GPC1: variants seen among roughly 807,000 people sequenced by gnomAD.
GPC1 encodes the protein glypican 1.
A neutral mutation model predicts 51.5 loss-of-function variants in GPC1; 26 were observed. The observed-to-expected ratio is 0.50, with a 90% CI of 0.37 to 0.70. The LOEUF (loss-of-function observed/expected upper bound fraction) is 0.70. Ranked by LOEUF, GPC1 falls within the 30% of genes least tolerant of loss-of-function variation. The pLI is 0.00. For synonymous variants in GPC1, 380 were observed against 348.3 expected (o/e 1.09, Z -1.01); for missense variants, 775 against 800.5 (o/e 0.97, Z 0.38).
chr2:240,464,343 G>A (rs192456506), intron 4 of GPC1: 9 of 464,374 alleles, frequency 1.9e-5, no homozygotes, highest in African/African-American at 3.9e-5. Flanking sequence ...TACGAGACAC[G>A]GCAGGCCAGC....
rs545315698 is a variant in GPC1, at chr2:240,466,235, T to C, written c.1622T>C (p.Leu541Pro). The C allele has an allele frequency of 3.7e-5, 59 of 1,611,962 alleles. 1 individual carries two copies. The East Asian group carries it at 8.3e-4, about 23-fold the overall frequency. ...AGCTGCCCCCAGCCCCCGACCTTCC[T>C]CCTGCCCCTCCTCCTCTTCCTGGCC... ...AASCPQPPTF[L>P]LPLLLFLALT... The change falls in exon 9 of 9, where the codon CTC (leucine) becomes CCC (proline). Residue 541 changes from leucine to proline, a missense_variant. Leu to Pro is a moderately conservative substitution (Grantham distance 98). Transcript: ENST00000264039.
chr2:240,463,773 C>T, intron 4 of GPC1: 1 of 534,236 alleles, frequency 1.9e-6, no homozygotes. Flanking sequence ...CCCCACTTAG[C>T]AAGCACCTCG....
intron 1 of GPC1, chr2:240,457,363 C>G: frequency 2.2e-6 from 1 of 448,076 alleles, no homozygotes; most frequent in Admixed American, 2.4e-5. Flanking sequence ...AGCCCGGATT[C>G]GGGTTCTCTG....
At position 240,465,500 on chromosome 2, in the gene GPC1, C is replaced by T. The variant is rs748173320; in HGVS notation, c.1296C>T (p.Gly432=). Residue 432 remains glycine (G), a synonymous_variant, in exon 8 of 9, where the codon GGC becomes GGT. Coordinates refer to ENST00000264039, the MANE Select transcript of GPC1 (RefSeq NM_002081.3). The part of the protein sequence containing the change: ...GRYLPEVMGD[G]LANQINNPEV... ...ACCTCCCCGAGGTCATGGGTGACGG[C>T]CTGGCCAACCAGATCAACAACCCCG... 4 of 1,612,994 alleles carry T rather than the reference C, an allele frequency of 2.5e-6. No individual in the cohort carries two copies. The South Asian group carries it at 3.3e-5, about 13-fold the overall frequency.
rs769560977 is a variant in GPC1 at position 240,465,590 on chromosome 2, C to G, written c.1386C>G (p.Ile462Met). 2.5e-6 allele frequency: 4 copies of G among 1,613,110 alleles called. No individual in the cohort carries two copies. The highest frequency in any genetic ancestry group is 3.4e-6 in the Non-Finnish European group (4 of 1,179,984). Residue 462 changes from isoleucine to methionine, a missense_variant, in exon 8 of 9, where the codon ATC becomes ATG. Physicochemically the swap from Ile to Met is conservative, Grantham distance 10. Coordinates refer to ENST00000264039, the MANE Select transcript of GPC1 (RefSeq NM_002081.3). ...GGCAGCAGATCATGCAGCTGAAGAT[C>G]ATGACCAACCGGCTGCGCAGCGCCT... is the stretch of plus-strand genomic sequence containing the variant. ...TIRQQIMQLK[I>M]MTNRLRSAYN...
At chr2:240,458,838 C>G (rs1231148368) in intron 1 of GPC1, 192 bp from the exon 2 acceptor site, 2 of 579,516 alleles carry the variant, frequency 3.5e-6, no homozygotes, top group African/African-American at 3.8e-5. Flanking sequence ...AGCTACGGGA[C>G]CGAAGCCAGG....
chr2:240,448,997 G>A lies in GPC1; in HGVS notation c.167-10033G>A, dbSNP rs1173584739. Reference sequence around the variant, plus strand: ...CACTCAGGCCAGTGGAAGGAGATCTGCCTTAGGGAGAAGTCTGAGACCTGG... The same window carrying A: ...CACTCAGGCCAGTGGAAGGAGATCTACCTTAGGGAGAAGTCTGAGACCTGG... On this transcript the variant is annotated intron_variant, in intron 1 of 8. Transcript: ENST00000264039. The surrounding 1 kb of genome is among the most constrained non-coding windows in gnomAD (Gnocchi z 4.5). Among the ~76,000 whole-genome samples the A allele has an allele frequency of 6.6e-6, 1 of 152,114 alleles. No individual in the cohort carries two copies. Among genetic ancestry groups the A allele is most frequent in the African/African-American group, 2.4e-5 (1 of 41,420 alleles).
intron 1 of GPC1, chr2:240,450,391 G>C (rs142677254): frequency 2.9e-6 from 1 of 348,668 alleles, no homozygotes; most frequent in Non-Finnish European, 5.7e-6. Flanking sequence ...TGGGGAGGCG[G>C]GGGATGCTAA....
intron 1 of GPC1, chr2:240,449,859 ACGC>A: frequency 2.1e-6 from 1 of 470,694 alleles, no homozygotes. Flanking sequence ...AGGTTCCTCC[ACGC>A]CGGAGCATGT....
intron 1 of GPC1, among the ~76,000 whole-genome samples, chr2:240,438,873 G>A (rs1045241516): frequency 1.3e-5 from 2 of 152,176 alleles, no homozygotes; most frequent in African/African-American, 4.8e-5. Context: ...CCAGCTGGAC[G>A]GTGGCACTGC....
chr2:240,465,476 C>T lies in GPC1; in HGVS notation c.1272C>T (p.Tyr424=). 6.2e-7 allele frequency: 1 copy of T among 1,612,890 alleles called. No homozygotes were observed. The highest frequency in any genetic ancestry group is 1.1e-5 in the South Asian group (1 of 91,068). ...RCWNGMARGR[Y]LPEVMGDGLA... ...GCTCTGCCTGCCTTTCCCCCAGGTA[C>T]CTCCCCGAGGTCATGGGTGACGGCC... Residue 424 remains tyrosine, a synonymous_variant, in exon 8 of 9, where the codon TAC becomes TAT. Transcript: ENST00000264039.
chr2:240,463,541 G>A (rs1212587892), intron 4 of GPC1, 29 bp downstream of exon 4: 3 of 1,607,084 alleles, frequency 1.9e-6, no homozygotes, highest in Admixed American at 3.3e-5. Context: ...GAGCGGCCTG[G>A]AACTGTCTTG....
At chr2:240,440,604 GCTC>G (rs2074011627) in intron 1 of GPC1, among the ~76,000 whole-genome samples, 1 of 112,784 alleles carries the variant, frequency 8.9e-6, no homozygotes, top group Non-Finnish European at 1.9e-5. Context: ...GTCCTGCCCA[GCTC>G]CTCCTGGCCT....
chr2:240,465,229 G>A lies in GPC1; in HGVS notation c.1268+19G>A, dbSNP rs755892854. On this transcript the variant is annotated intron_variant, in intron 7 of 8. Coordinates refer to ENST00000264039, the MANE Select transcript of GPC1 (RefSeq NM_002081.3). ...GAGGCCGGTAGGTGCCCACCTGGCT[G>A]GCACAGCCCTCCCTCCCATGCCGCC... 1.3e-6 allele frequency: 2 copies of A among 1,590,850 alleles called. No homozygotes were observed. Among genetic ancestry groups the A allele is most frequent in the Non-Finnish European group, 1.7e-6 (2 of 1,168,272 alleles).
At chr2:240,461,710 G>A (rs566726532) in intron 2 of GPC1, among the ~76,000 whole-genome samples, 1 of 152,266 alleles carries the variant, frequency 6.6e-6, no homozygotes, top group African/African-American at 2.4e-5. Context: ...GGCGGGAGGG[G>A]CAGCAGCCCT....
At chr2:240,437,504 C>A (rs1382334006) in intron 1 of GPC1, among the ~76,000 whole-genome samples, 1 of 152,230 alleles carries the variant, frequency 6.6e-6, no homozygotes, top group Non-Finnish European at 1.5e-5. Flanking sequence ...CCAGGACAGG[C>A]CTTCCTGTGC....
intron 1 of GPC1, among the ~76,000 whole-genome samples, chr2:240,446,265 G>C (rs923124872): frequency 6.7e-6 from 1 of 149,040 alleles, no homozygotes; most frequent in Non-Finnish European, 1.5e-5. Context: ...GCGAGTGAGA[G>C]GGACACATCC....
At position 240,466,314 on chromosome 2, in the gene GPC1, A is replaced by C; in HGVS notation, c.*24A>C. Reference sequence around the variant, plus strand: ...AACTGCCCCAAGGCCCCAGGGACAGAGGCCAAGGACTGACTTTGCCAAAAA... The same window carrying C: ...AACTGCCCCAAGGCCCCAGGGACAGCGGCCAAGGACTGACTTTGCCAAAAA... On this transcript the variant is annotated 3_prime_UTR_variant, in exon 9 of 9. Coordinates refer to ENST00000264039, the MANE Select transcript of GPC1 (RefSeq NM_002081.3). The C allele has an allele frequency of 7.6e-7, 1 of 1,322,792 alleles. No homozygotes were observed. Among genetic ancestry groups the C allele is most frequent in the East Asian group, 2.3e-5 (1 of 43,458 alleles). The allele number at this position is 1,322,792 out of a possible 1,614,324, so 81.9% of individuals were successfully genotyped here. A position where few individuals can be genotyped will look rare whatever the true frequency, so the allele number is the denominator to read the frequency against.
In GPC1 at chr2:240,458,088, A is replaced by G. The variant is rs1227145645; in HGVS notation, c.167-942A>G. On this transcript the variant is annotated intron_variant, in intron 1 of 8. Coordinates refer to ENST00000264039, the MANE Select transcript of GPC1 (RefSeq NM_002081.3). ...GGCAGCCGGAACCACTTGCCCCCTCACTGTATAGCTGGGACGAGACCTCAT... is the reference window on the plus strand; with the variant it reads ...GGCAGCCGGAACCACTTGCCCCCTCGCTGTATAGCTGGGACGAGACCTCAT... 1.1e-5 allele frequency: 5 copies of G among 470,418 alleles called. No homozygotes were observed. The Admixed American group carries it at 1.2e-4, about 11-fold the overall frequency. 29.1% of individuals were successfully genotyped at this position (470,418 alleles called of 1,614,324 possible).
Sources: gnomAD v4.1 joint callset for allele counts (sites outside exome capture counted in the v4.1 genomes callset) on GRCh38, gnomAD v4.1.1 for gene constraint, Gnocchi (gnomAD v3.1) non-coding constraint, MANE v1.5 for transcripts, NCBI Gene and HGNC (gene_info 2026-07-23, HGNC 2026-07-21) for gene names.